Variants in ACOT7 observed in about 807,000 individuals in gnomAD.
ACOT7 encodes acyl-CoA thioesterase 7.
ACOT7 carries 12 observed loss-of-function variants against 40.2 expected under a neutral mutation model. The observed-to-expected ratio is 0.30, with a 90% CI of 0.19 to 0.48. The LOEUF (loss-of-function observed/expected upper bound fraction) is 0.48, where lower values mean the gene tolerates loss of function less well. Among genes scored for constraint, ACOT7 ranks in the 20% least tolerant of loss-of-function variants. The pLI, the probability that ACOT7 is intolerant of heterozygous loss-of-function variation, is 0.99. For missense variants in ACOT7, 395 were observed against 530.8 expected (o/e 0.74, Z 2.51); for synonymous variants, 228 against 219.5 (o/e 1.04, Z -0.34).
At position 6,329,556 on chromosome 1, in the gene ACOT7, G is replaced by A. The variant is rs543085295; in HGVS notation, c.511-2143C>T. ...CTCATGGTATCCAGTACATTTGTCT[G>A]GGCTTGGCAGGCGCACAGGGAAATG... On this transcript the variant is annotated intron_variant, in intron 4 of 8. Transcript: ENST00000361521. 2.6e-5 allele frequency among the ~76,000 whole-genome samples: 4 copies of A among 152,008 alleles called. No individual in the cohort carries two copies. In the East Asian group the frequency reaches 7.7e-4, roughly 29 times the overall value.
intron 6 of ACOT7, among the ~76,000 whole-genome samples, chr1:6,317,360 A>T (rs1225755809): frequency 6.6e-6 from 1 of 152,192 alleles, no homozygotes; most frequent in African/African-American, 2.4e-5. Flanking sequence ...ATAATTACAC[A>T]TTATTAAAGT....
intron 1 of ACOT7, among the ~76,000 whole-genome samples, chr1:6,384,712 A>C (rs1431426786): frequency 6.6e-6 from 1 of 151,688 alleles, no homozygotes; most frequent in African/African-American, 2.4e-5. Flanking sequence ...TCCTGAAGCT[A>C]TATCTAGGGC....
chr1:6,288,391 T>G lies in ACOT7; in HGVS notation c.829+6473A>C, dbSNP rs960888064. Among the ~76,000 whole-genome samples the G allele has an allele frequency of 2.0e-5, 3 of 152,226 alleles. No homozygotes were observed. Among genetic ancestry groups the G allele is most frequent in the African/African-American group, 4.8e-5 (2 of 41,454 alleles). On this transcript the variant is annotated intron_variant, in intron 7 of 8. Coordinates refer to ENST00000361521, the MANE Select transcript of ACOT7 (RefSeq NM_007274.4). This position sits in a 1 kb window ranked among gnomAD's most constrained non-coding sequence, Gnocchi z 4.3. ...AGAGTTTAACTTGCCACACACCTGC[T>G]AAGGACCCCGTAGGTGCTTGGCCGG...
chr1:6,307,354 CCAGT>C (rs1384421386), intron 6 of ACOT7, among the ~76,000 whole-genome samples: 1 of 152,246 alleles, frequency 6.6e-6, no homozygotes, highest in Non-Finnish European at 1.5e-5. Flanking sequence ...TTTTCCCAGT[CCAGT>C]CATTCAGCTA....
chr1:6,268,304 T>C (rs1329412120), intron 8 of ACOT7, among the ~76,000 whole-genome samples: 1 of 152,124 alleles, frequency 6.6e-6, no homozygotes, highest in Non-Finnish European at 1.5e-5. Context: ...GGGGGAGTAG[T>C]CAGGGCTGTC....
intron 1 of ACOT7, among the ~76,000 whole-genome samples, chr1:6,362,303 C>T (rs192798549): frequency 3.3e-5 from 5 of 152,126 alleles, no homozygotes; most frequent in East Asian, 1.9e-4. Context: ...TGGTGGTGGG[C>T]GCCTGTAATG....
At chr1:6,334,719 C>A (rs547369414) in intron 3 of ACOT7, among the ~76,000 whole-genome samples, 1 of 152,330 alleles carries the variant, frequency 6.6e-6, no homozygotes, top group Admixed American at 6.5e-5. Flanking sequence ...AACAGAGGCT[C>A]GTGGCCTGCT....
rs1187269052 is a variant in ACOT7 at position 6,359,758 on chromosome 1, C to T, written c.144-9892G>A. Among the ~76,000 whole-genome samples the T allele has an allele frequency of 6.6e-6, 1 of 152,242 alleles. No homozygotes were observed. The highest frequency in any genetic ancestry group is 1.5e-5 in the Non-Finnish European group (1 of 68,044). ...CCCAATGCTGCCCCCACCAGGGCTG[C>T]TTTCCCAGGAATCCTGTGACCAGCA... is the stretch of plus-strand genomic sequence containing the variant. On this transcript the variant is annotated intron_variant, in intron 1 of 8. Coordinates refer to ENST00000361521, the MANE Select transcript of ACOT7 (RefSeq NM_007274.4). This position sits in a 1 kb window ranked among gnomAD's most constrained non-coding sequence, Gnocchi z 4.1.
rs772998693 is a variant in ACOT7 at position 6,264,612 on chromosome 1, CG to C, written c.1097del (p.Ala366GlyfsTer40). On this transcript the variant is annotated frameshift_variant, in exon 9 of 9. Coordinates refer to ENST00000361521, the MANE Select transcript of ACOT7 (RefSeq NM_007274.4). LOFTEE classifies it high-confidence loss of function. ...AGGAGGGAGTCTAGGGCTGAGGCTCCGCGTGGCCCTGTCGCTTCGCCTTCAT... is the reference window on the plus strand; with the variant it reads ...AGGAGGGAGTCTAGGGCTGAGGCTCCCGTGGCCCTGTCGCTTCGCCTTCAT... ...LQMKAKRQGHAEPQP is the reference protein window; with the variant it reads ...LQMKAKRQGHXEPQP 6.2e-7 allele frequency: 1 copy of C among 1,612,446 alleles called. No homozygotes were observed. The highest frequency in any genetic ancestry group is 1.7e-5 in the Admixed American group (1 of 59,962).
At chr1:6,368,591 G>A (rs374227760) in intron 1 of ACOT7, among the ~76,000 whole-genome samples, 3 of 152,158 alleles carry the variant, frequency 2.0e-5, no homozygotes, top group African/African-American at 7.2e-5. Context: ...GGCTCCCAGG[G>A]CAGTGGGCTC....
chr1:6,353,058 T>C (rs1384838929), intron 1 of ACOT7, among the ~76,000 whole-genome samples: 2 of 152,128 alleles, frequency 1.3e-5, no homozygotes, highest in Non-Finnish European at 2.9e-5. Context: ...TTTGTATTTT[T>C]ACTAGAGACA....
Position 6,333,509 on chromosome 1 carries a change from C to T in ACOT7, c.478G>A (p.Val160Met). 6.2e-7 allele frequency: 1 copy of T among 1,614,248 alleles called. No homozygotes were observed. The highest frequency in any genetic ancestry group is 8.5e-7 in the Non-Finnish European group (1 of 1,180,040). ...LWYVPLSLKN[V>M]DKVLEVPPVV... ...GGAGGCACCTCGAGGACCTTGTCCA[C>T]ATTCTTCAGCGACAGGGGCACATAC... The change falls in exon 4 of 9, where the codon GTG becomes ATG. Residue 160 changes from valine to methionine, a missense_variant. Transcript: ENST00000361521.
intron 6 of ACOT7, among the ~76,000 whole-genome samples, chr1:6,302,413 C>T (rs574415889): frequency 1.3e-5 from 2 of 152,066 alleles, no homozygotes; most frequent in East Asian, 3.9e-4. Flanking sequence ...TTTGGCCTTG[C>T]GACAGCGAAG....
At chr1:6,332,317 A>G (rs544884132) in intron 4 of ACOT7, among the ~76,000 whole-genome samples, 63 of 152,284 alleles carry the variant, frequency 4.1e-4, no homozygotes, top group Admixed American at 9.2e-4. Flanking sequence ...AGGCTGCGGG[A>G]GGAGCTGGTC....
At chr1:6,315,002 C>T (rs1414678563) in intron 6 of ACOT7, among the ~76,000 whole-genome samples, 2 of 152,282 alleles carry the variant, frequency 1.3e-5, no homozygotes, top group East Asian at 3.9e-4. Flanking sequence ...CTCTACTATT[C>T]CCCTAACTAA....
intron 1 of ACOT7, among the ~76,000 whole-genome samples, chr1:6,376,908 G>A (rs890314058): frequency 7.9e-5 from 12 of 152,186 alleles, no homozygotes; most frequent in South Asian, 2.1e-4. Context: ...GGAGGGTGGC[G>A]GCAGAGGGCC....
intron 1 of ACOT7, among the ~76,000 whole-genome samples, chr1:6,356,392 C>G (rs555122398): frequency 1.2e-4 from 19 of 152,208 alleles, no homozygotes; most frequent in Admixed American, 9.2e-4. Context: ...CGGCAGCACC[C>G]TCAGCACCCT....
Position 6,363,119 on chromosome 1 carries a change from A to G in ACOT7, c.144-13253T>C, listed in dbSNP as rs559699937. Reference sequence around the variant, plus strand: ...ATATTATAATAATCCTCGCTCTATAATCATAACCTAGGAAAAACCAGGCTA... The same window carrying G: ...ATATTATAATAATCCTCGCTCTATAGTCATAACCTAGGAAAAACCAGGCTA... On this transcript the variant is annotated intron_variant, in intron 1 of 8. Transcript: ENST00000361521. 2.0e-3 allele frequency among the ~76,000 whole-genome samples: 312 copies of G among 152,352 alleles called. 2 individuals carry two copies. Among genetic ancestry groups the G allele is most frequent in the Middle Eastern group, 0.014 (4 of 294 alleles).
intron 1 of ACOT7, among the ~76,000 whole-genome samples, chr1:6,367,255 T>C (rs943560668): frequency 4.6e-5 from 7 of 152,044 alleles, no homozygotes; most frequent in Non-Finnish European, 1.0e-4. Flanking sequence ...TTTTATCAAC[T>C]AAGTTTATGG....
Sources: gnomAD v4.1 joint callset for allele counts (sites outside exome capture counted in the v4.1 genomes callset) on GRCh38, gnomAD v4.1.1 for gene constraint, Gnocchi (gnomAD v3.1) non-coding constraint, MANE v1.5 for transcripts, NCBI Gene and HGNC (gene_info 2026-07-23, HGNC 2026-07-21) for gene names.